The following RPRM variants were observed in gnomAD, a reference collection of about 807,000 sequenced individuals.
RPRM encodes reprimo, TP53 dependent G2 arrest mediator homolog, also known as protein reprimo.
RPRM carries 3 observed loss-of-function variants against 5.2 expected under a neutral mutation model. That is an observed-to-expected ratio of 0.58 (90% CI 0.26 to 1.50). The LOEUF is 1.50. Among genes scored for constraint, RPRM ranks in the 40% most tolerant of loss-of-function variants. The pLI is 0.13. For synonymous variants in RPRM, 70 were observed against 69.9 expected (o/e 1.00, Z -0.01); for missense variants, 135 against 154.5 (o/e 0.87, Z 0.67).
In RPRM at chr2:153,478,198, C is replaced by T; in HGVS notation, c.*38G>A. ...GGCACAGCCGGGCTAGCAAAGTGGG[C>T]AGGCGTGGGAGCGGTTGCCGCGGGG... is the stretch of plus-strand genomic sequence containing the variant. On this transcript the variant is annotated 3_prime_UTR_variant, in exon 1 of 1. Coordinates refer to ENST00000325926, the MANE Select transcript of RPRM (RefSeq NM_019845.3). 6.5e-7 allele frequency: 1 copy of T among 1,538,634 alleles called. No individual in the cohort carries two copies. The highest frequency in any genetic ancestry group is 8.9e-7 in the Non-Finnish European group (1 of 1,128,410).
Position 153,477,915 on chromosome 2 carries a change from C to T in RPRM, c.*321G>A. On this transcript the variant is annotated 3_prime_UTR_variant, in exon 1 of 1. Coordinates refer to ENST00000325926, the MANE Select transcript of RPRM (RefSeq NM_019845.3). The stretch of plus-strand genomic sequence containing the variant: ...CACCTGCCCCCAGAGCTTGGCCCAC[C>T]TGCGGGTGGAGAAGGGCCTTCGCAC... 1 of 359,034 alleles carries T rather than the reference C, an allele frequency of 2.8e-6. No individual in the cohort carries two copies. Among genetic ancestry groups the T allele is most frequent in the East Asian group, 5.6e-5 (1 of 17,946 alleles). 22.2% of individuals were successfully genotyped at this position (359,034 alleles called of 1,614,324 possible).
Position 153,478,638 on chromosome 2 carries a change from T to G in RPRM, c.-73A>C. On this transcript the variant is annotated 5_prime_UTR_variant, in exon 1 of 1. Transcript: ENST00000325926. The stretch of plus-strand genomic sequence containing the variant: ...AAGGCGGCGGCGCTGGAGGAACAGG[T>G]GCCGGGCTGAGCGCTCACTCGCAGA... 2 of 1,254,444 alleles carry G rather than the reference T, an allele frequency of 1.6e-6. No individual in the cohort carries two copies. The highest frequency in any genetic ancestry group is 1.5e-5 in the South Asian group (1 of 65,094). 77.7% of individuals were successfully genotyped at this position (1,254,444 alleles called of 1,614,324 possible).
At position 153,478,235 on chromosome 2, in the gene RPRM, G is replaced by A. The variant is rs781019702; in HGVS notation, c.*1C>T. On this transcript the variant is annotated 3_prime_UTR_variant, in exon 1 of 1. Coordinates refer to ENST00000325926, the MANE Select transcript of RPRM (RefSeq NM_019845.3). ...CGGTTGCCGCGGGGGCAGAGGGCGG[G>A]TCAGTAGGGCCCCACGACCACCGCC... The A allele has an allele frequency of 6.8e-6, 11 of 1,609,014 alleles. No individual in the cohort carries two copies. The highest frequency in any genetic ancestry group is 1.6e-4 in the Middle Eastern group (1 of 6,066).
rs781769631 is a variant in RPRM at position 153,478,521 on chromosome 2, G to A, written c.45C>T (p.Phe15=). 8.7e-6 allele frequency: 14 copies of A among 1,604,998 alleles called. No homozygotes were observed. In the Admixed American group the frequency reaches 1.2e-4, roughly 14 times the overall value. The change falls in exon 1 of 1, where the codon TTC becomes TTT. Residue 15 remains phenylalanine, a synonymous_variant. Transcript: ENST00000325926. ...CCAGCGCCTCGCTGCTGTTGGCCAG[G>A]AACAGGCCCGCCACGTCCGTCTGGT... The part of the protein sequence containing the change: ...LGNQTDVAGL[F]LANSSEALER...
At position 153,478,667 on chromosome 2, in the gene RPRM, G is replaced by C. The variant is rs746491075; in HGVS notation, c.-102C>G. On this transcript the variant is annotated 5_prime_UTR_variant, in exon 1 of 1. Coordinates refer to ENST00000325926, the MANE Select transcript of RPRM (RefSeq NM_019845.3). ...GGGCTGAGCGCTCACTCGCAGACTA[G>C]CGCGTGCGAGGGCTCCTCGCTCTGC... 1 of 956,092 alleles carries C rather than the reference G, an allele frequency of 1.0e-6. No homozygotes were observed. Among genetic ancestry groups the C allele is most frequent in the Non-Finnish European group, 1.5e-6 (1 of 650,420 alleles). 59.2% of individuals were successfully genotyped at this position (956,092 alleles called of 1,614,324 possible).
Position 153,478,698 on chromosome 2 carries a change from A to G in RPRM, c.-133T>C, listed in dbSNP as rs1684197569. 5.3e-6 allele frequency: 4 copies of G among 753,812 alleles called. No homozygotes were observed. The highest frequency in any genetic ancestry group is 8.6e-6 in the Non-Finnish European group (4 of 467,456). The allele number at this position is 753,812 out of a possible 1,614,324, so 46.7% of individuals were successfully genotyped here. A position where few individuals can be genotyped will look rare whatever the true frequency, so the allele number is the denominator to read the frequency against. ...GCGAGGGCTCCTCGCTCTGCTTTCG[A>G]AAGTCCCTGGGCCGTGGGAGTTTCC... On this transcript the variant is annotated 5_prime_UTR_variant, in exon 1 of 1. Transcript: ENST00000325926.
chr2:153,478,461 C>T lies in RPRM; in HGVS notation c.105G>A (p.Val35=), dbSNP rs751690858. ...CCTCCGCGAAGCCGTCGTCGGTCAC[C>T]ACGGACGCCTGGGTGCAGCAGCGCA... ...RAVRCCTQAS[V]VTDDGFAEGG... is the part of the protein sequence containing the mutation. Residue 35 remains valine (V), a synonymous_variant, in exon 1 of 1, where the codon GTG becomes GTA. Coordinates refer to ENST00000325926, the MANE Select transcript of RPRM (RefSeq NM_019845.3). 2.5e-6 allele frequency: 4 copies of T among 1,613,602 alleles called. No homozygotes were observed. In the Admixed American group the frequency reaches 5.0e-5, roughly 20 times the overall value.
At position 153,478,628 on chromosome 2, in the gene RPRM, G is replaced by T; in HGVS notation, c.-63C>A. Reference sequence around the variant, plus strand: ...GAGGGGTGGGAAGGCGGCGGCGCTGGAGGAACAGGTGCCGGGCTGAGCGCT... The same window carrying T: ...GAGGGGTGGGAAGGCGGCGGCGCTGTAGGAACAGGTGCCGGGCTGAGCGCT... On this transcript the variant is annotated 5_prime_UTR_variant, in exon 1 of 1. Coordinates refer to ENST00000325926, the MANE Select transcript of RPRM (RefSeq NM_019845.3). 7.5e-7 allele frequency: 1 copy of T among 1,338,788 alleles called. No individual in the cohort carries two copies. Among genetic ancestry groups the T allele is most frequent in the Non-Finnish European group, 1.0e-6 (1 of 992,108 alleles). The allele number at this position is 1,338,788 out of a possible 1,614,324, so 82.9% of individuals were successfully genotyped here.
rs763210081 is a variant in RPRM at position 153,478,530 on chromosome 2, C to G, written c.36G>C (p.Ala12=). Residue 12 remains alanine, a synonymous_variant, in exon 1 of 1, where the codon GCG becomes GCC. Coordinates refer to ENST00000325926, the MANE Select transcript of RPRM (RefSeq NM_019845.3). ...CGCTGCTGTTGGCCAGGAACAGGCC[C>G]GCCACGTCCGTCTGGTTGCCTAGGG... ...NPALGNQTDV[A]GLFLANSSEA... 2 of 1,605,634 alleles carry G rather than the reference C, an allele frequency of 1.2e-6. No homozygotes were observed. The highest frequency in any genetic ancestry group is 2.7e-5 in the African/African-American group (2 of 74,834).
rs746554525 is a variant in RPRM at position 153,478,517 on chromosome 2, C to G, written c.49G>C (p.Ala17Pro). Residue 17 changes from alanine to proline, a missense_variant, in exon 1 of 1, where the codon GCC becomes CCC. Coordinates refer to ENST00000325926, the MANE Select transcript of RPRM (RefSeq NM_019845.3). ...NQTDVAGLFL[A>P]NSSEALERAV... ...CGCTCCAGCGCCTCGCTGCTGTTGG[C>G]CAGGAACAGGCCCGCCACGTCCGTC... 2.0e-5 allele frequency: 32 copies of G among 1,607,370 alleles called. No individual in the cohort carries two copies. The highest frequency in any genetic ancestry group is 2.7e-5 in the Non-Finnish European group (32 of 1,176,758).
Position 153,477,929 on chromosome 2 carries a change from G to A in RPRM, c.*307C>T. On this transcript the variant is annotated 3_prime_UTR_variant, in exon 1 of 1. Transcript: ENST00000325926. ...GCTTGGCCCACCTGCGGGTGGAGAAGGGCCTTCGCACCGTCGGTCTCCCCG... is the reference window on the plus strand; with the variant it reads ...GCTTGGCCCACCTGCGGGTGGAGAAAGGCCTTCGCACCGTCGGTCTCCCCG... The A allele has an allele frequency of 2.6e-6, 1 of 385,482 alleles. No homozygotes were observed. Among genetic ancestry groups the A allele is most frequent in the Non-Finnish European group, 4.7e-6 (1 of 211,664 alleles). The allele number at this position is 385,482 out of a possible 1,614,324, so 23.9% of individuals were successfully genotyped here. A position where few individuals can be genotyped will look rare whatever the true frequency, so the allele number is the denominator to read the frequency against.
chr2:153,478,399 A>C lies in RPRM; in HGVS notation c.167T>G (p.Val56Gly). 2.5e-6 allele frequency: 4 copies of C among 1,614,162 alleles called. No individual in the cohort carries two copies. Among genetic ancestry groups the C allele is most frequent in the Non-Finnish European group, 3.4e-6 (4 of 1,180,004 alleles). ...CACGCACATGACCGCGATCTGCACC[A>C]CGCGCATTATGTACAGGCTACGCTC... ...PDERSLYIMR[V>G]VQIAVMCVLS... is the part of the protein sequence containing the mutation. The change falls in exon 1 of 1, where the codon GTG becomes GGG. Residue 56 changes from valine to glycine, a missense_variant. Transcript: ENST00000325926.
Position 153,478,629 on chromosome 2 carries a change from A to G in RPRM, c.-64T>C. On this transcript the variant is annotated 5_prime_UTR_variant, in exon 1 of 1. Transcript: ENST00000325926. ...AGGGGTGGGAAGGCGGCGGCGCTGG[A>G]GGAACAGGTGCCGGGCTGAGCGCTC... The G allele has an allele frequency of 3.0e-6, 4 of 1,323,116 alleles. No individual in the cohort carries two copies. Among genetic ancestry groups the G allele is most frequent in the Non-Finnish European group, 4.1e-6 (4 of 978,226 alleles). 82.0% of individuals were successfully genotyped at this position (1,323,116 alleles called of 1,614,324 possible).
Position 153,478,587 on chromosome 2 carries a change from C to A in RPRM, c.-22G>T. 18 of 1,525,708 alleles carry A rather than the reference C, an allele frequency of 1.2e-5. No homozygotes were observed. The highest frequency in any genetic ancestry group is 1.6e-5 in the Non-Finnish European group (18 of 1,138,430). 94.5% of individuals were successfully genotyped at this position (1,525,708 alleles called of 1,614,324 possible). On this transcript the variant is annotated 5_prime_UTR_variant, in exon 1 of 1. Transcript: ENST00000325926. ...TCATCGCAGGAACGGGCGGGCGCCG[C>A]GAGCGGCGCGGGTCCGAGGGGTGGG...
In RPRM at chr2:153,478,486, ACGGCTCGCTCCAGCGC is replaced by A; in HGVS notation, c.64_79del (p.Ala22CysfsTer10). On this transcript the variant is annotated frameshift_variant, in exon 1 of 1. Coordinates refer to ENST00000325926, the MANE Select transcript of RPRM (RefSeq NM_019845.3). LOFTEE classifies it high-confidence loss of function. ...CACGGACGCCTGGGTGCAGCAGCGC[ACGGCTCGCTCCAGCGC>A]CTCGCTGCTGTTGGCCAGGAACAGG... 6.2e-7 allele frequency: 1 copy of A among 1,612,748 alleles called. No homozygotes were observed.
chr2:153,478,161 CTG>C lies in RPRM; in HGVS notation c.*73_*74del. On this transcript the variant is annotated 3_prime_UTR_variant, in exon 1 of 1. Coordinates refer to ENST00000325926, the MANE Select transcript of RPRM (RefSeq NM_019845.3). ...CCGACAGGTTTGCTTCGCCCAGTCT[CTG>C]ATAGTGAGGGGCACAGCCGGGCTAG... The C allele has an allele frequency of 1.6e-6, 2 of 1,242,986 alleles. No individual in the cohort carries two copies. Among genetic ancestry groups the C allele is most frequent in the South Asian group, 2.8e-5 (2 of 71,226 alleles). The allele number at this position is 1,242,986 out of a possible 1,614,324, so 77.0% of individuals were successfully genotyped here.
In RPRM at chr2:153,478,648, A is replaced by T; in HGVS notation, c.-83T>A. Reference sequence around the variant, plus strand: ...CGCTGGAGGAACAGGTGCCGGGCTGAGCGCTCACTCGCAGACTAGCGCGTG... The same window carrying T: ...CGCTGGAGGAACAGGTGCCGGGCTGTGCGCTCACTCGCAGACTAGCGCGTG... On this transcript the variant is annotated 5_prime_UTR_variant, in exon 1 of 1. Coordinates refer to ENST00000325926, the MANE Select transcript of RPRM (RefSeq NM_019845.3). 8.6e-7 allele frequency: 1 copy of T among 1,160,942 alleles called. No individual in the cohort carries two copies. The allele number at this position is 1,160,942 out of a possible 1,614,324, so 71.9% of individuals were successfully genotyped here.
In RPRM at chr2:153,477,887, C is replaced by T. The variant is rs1362211994; in HGVS notation, c.*349G>A. On this transcript the variant is annotated 3_prime_UTR_variant, in exon 1 of 1. Coordinates refer to ENST00000325926, the MANE Select transcript of RPRM (RefSeq NM_019845.3). ...GCTGGGTCTCTCCCCTGCCCGCCCTCTCCACCTGCCCCCAGAGCTTGGCCC... is the reference window on the plus strand; with the variant it reads ...GCTGGGTCTCTCCCCTGCCCGCCCTTTCCACCTGCCCCCAGAGCTTGGCCC... 3 of 311,806 alleles carry T rather than the reference C, an allele frequency of 9.6e-6. No individual in the cohort carries two copies. Among genetic ancestry groups the T allele is most frequent in the Non-Finnish European group, 6.0e-6 (1 of 166,304 alleles). 19.3% of individuals were successfully genotyped at this position (311,806 alleles called of 1,614,324 possible).
chr2:153,477,461 T>C lies in RPRM; in HGVS notation c.*775A>G, dbSNP rs1684171218. 1 of 152,498 alleles carries C rather than the reference T, an allele frequency of 6.6e-6. No individual in the cohort carries two copies. Among genetic ancestry groups the C allele is most frequent in the Non-Finnish European group, 1.5e-5 (1 of 67,998 alleles). 9.4% of individuals were successfully genotyped at this position (152,498 alleles called of 1,614,324 possible). Reference sequence around the variant, plus strand: ...AACCGTGCAGTCACGAGCTACGAGTTCTATTCTGGGTCTTTGTCCCAGGGC... The same window carrying C: ...AACCGTGCAGTCACGAGCTACGAGTCCTATTCTGGGTCTTTGTCCCAGGGC... On this transcript the variant is annotated 3_prime_UTR_variant, in exon 1 of 1. Coordinates refer to ENST00000325926, the MANE Select transcript of RPRM (RefSeq NM_019845.3).
Sources: gnomAD v4.1 joint callset for allele counts on GRCh38, gnomAD v4.1.1 for gene constraint, MANE v1.5 for transcripts, NCBI Gene and HGNC (gene_info 2026-07-23, HGNC 2026-07-21) for gene names.